MORC3: variants seen among roughly 807,000 people sequenced by gnomAD.
MORC3 encodes MORC family CW-type zinc finger 3.
MORC3 carries 31 observed loss-of-function variants against 109.1 expected under a neutral mutation model. The observed-to-expected ratio is 0.28, with a 90% CI of 0.21 to 0.38. The LOEUF is 0.38. Ranked by LOEUF, MORC3 falls within the 10% of genes least tolerant of loss-of-function variation. The probability of loss-of-function intolerance (pLI) is 1.00; values close to 1 mark genes in which losing one functional copy is unlikely to be tolerated. For missense variants in MORC3, 867 were observed against 1,135.8 expected, an observed-to-expected ratio of 0.76 and a Z score of 3.40; for synonymous variants, 395 against 380.7, an observed-to-expected ratio of 1.04 and a Z score of -0.44.
At chr21:36,355,009 A>G (rs1302063175) in intron 9 of MORC3, among the ~76,000 whole-genome samples, 1 of 152,206 alleles carries the variant, frequency 6.6e-6, no homozygotes, top group African/African-American at 2.4e-5. Context: ...CATGCACAAC[A>G]TGTGGACATA....
chr21:36,362,368 C>A, intron 13 of MORC3, 140 bp downstream of exon 13: 1 of 914,600 alleles, frequency 1.1e-6, no homozygotes, highest in Non-Finnish European at 1.6e-6. Context: ...CATGGTGAAA[C>A]CCTGTCTCTA....
Position 36,369,603 on chromosome 21 carries a change from T to G in MORC3, c.2235T>G (p.His745Gln), listed in dbSNP as rs942992119. The G allele has an allele frequency of 1.7e-5, 27 of 1,614,094 alleles. No homozygotes were observed. Among genetic ancestry groups the G allele is most frequent in the Non-Finnish European group, 2.2e-5 (26 of 1,180,050 alleles). ...NDKYVKKETC[H>Q]QSTETDAVFL... ...AGTATGTTAAGAAAGAAACTTGCCATCAGTCCACTGAAACCGATGCTGTAT... is the reference window on the plus strand; with the variant it reads ...AGTATGTTAAGAAAGAAACTTGCCAGCAGTCCACTGAAACCGATGCTGTAT... The change falls in exon 15 of 17, where the codon CAT becomes CAG. Residue 745 changes from histidine (H) to glutamine (Q), a missense_variant. By Grantham distance (24) the His-to-Gln change is conservative (BLOSUM62 0). This residue lies in a region of MORC3 where 486 missense variants were observed against 502.1 expected (regional missense o/e 0.97). Transcript: ENST00000400485.
intron 6 of MORC3, among the ~76,000 whole-genome samples, chr21:36,344,361 G>C (rs2085485094): frequency 6.6e-6 from 1 of 152,102 alleles, no homozygotes; most frequent in South Asian, 2.1e-4. Flanking sequence ...TAGATCAGTT[G>C]ATTGTATTCT....
chr21:36,326,441 G>A (rs1409794020), intron 1 of MORC3, among the ~76,000 whole-genome samples: 5 of 151,166 alleles, frequency 3.3e-5, no homozygotes, highest in Admixed American at 6.6e-5. Context: ...CAGGAGAATC[G>A]CTTGAACCTG....
At chr21:36,364,566 C>T (rs1404651128) in intron 14 of MORC3, among the ~76,000 whole-genome samples, 2 of 151,430 alleles carry the variant, frequency 1.3e-5, no homozygotes, top group Non-Finnish European at 2.9e-5. Context: ...CACCTGTAAT[C>T]CCAGCTACTC....
At chr21:36,337,663 A>G in intron 3 of MORC3, 69 bp from the exon 4 acceptor site, 1 of 1,050,762 alleles carries the variant, frequency 9.5e-7, no homozygotes, top group Admixed American at 3.3e-5. Flanking sequence ...AAAAGATTAT[A>G]GGTATTTATT....
At position 36,335,555 on chromosome 21, in the gene MORC3, A is replaced by G. The variant is rs571927679; in HGVS notation, c.113-1319A>G. Reference sequence around the variant, plus strand: ...TGTCTCGAACTCCTGACCTCAGGTGATCCACCCACCTCTGCCTCCCAAACT... The same window carrying G: ...TGTCTCGAACTCCTGACCTCAGGTGGTCCACCCACCTCTGCCTCCCAAACT... On this transcript the variant is annotated intron_variant, in intron 2 of 16. Transcript: ENST00000400485. 3.9e-5 allele frequency among the ~76,000 whole-genome samples: 6 copies of G among 152,266 alleles called. No individual in the cohort carries two copies. In the East Asian group the frequency reaches 1.2e-3, roughly 29 times the overall value.
At chr21:36,337,657 G>T (rs2085389111) in intron 3 of MORC3, 75 bp from the exon 4 acceptor site, 3 of 1,038,706 alleles carry the variant, frequency 2.9e-6, no homozygotes, top group Admixed American at 3.3e-5. Context: ...TAAAAAAAAA[G>T]ATTATAGGTA....
chr21:36,324,387 C>G (rs2085226195), intron 1 of MORC3, among the ~76,000 whole-genome samples: 1 of 151,506 alleles, frequency 6.6e-6, no homozygotes, highest in South Asian at 2.1e-4. Flanking sequence ...ACGCCATTCT[C>G]CTGCCTCAGC....
At chr21:36,365,882 A>G (rs184502804) in intron 14 of MORC3, among the ~76,000 whole-genome samples, 4 of 152,054 alleles carry the variant, frequency 2.6e-5, no homozygotes, top group Admixed American at 2.0e-4. Context: ...GCACCCGGCC[A>G]GTTTGCTCTT....
Position 36,369,309 on chromosome 21 carries a change from A to ATCCTTT in MORC3, c.1941_1942insTCCTTT (p.Leu647_Val648insSerPhe). 1 of 1,614,214 alleles carries ATCCTTT rather than the reference A, an allele frequency of 6.2e-7. No individual in the cohort carries two copies. On this transcript the variant is annotated inframe_insertion, in exon 15 of 17. Transcript: ENST00000400485. ...CTACCCAGACTGAAGTACCAAGTTT[A>ATCCTTT]GTTGTTAAAAAAGAAGAAACTGTTG...
chr21:36,344,664 G>T lies in MORC3; in HGVS notation c.842G>T (p.Ser281Ile). The T allele has an allele frequency of 6.2e-7, 1 of 1,614,116 alleles. No homozygotes were observed. ...GTGAAGACACAGCTGGTTTCGAAGA[G>T]TCTTGCCTACATCGAACGTGATGTT... ...QKVKTQLVSKSLAYIERDVYR... is the reference protein window; with the variant it reads ...QKVKTQLVSKILAYIERDVYR... Residue 281 changes from serine (S) to isoleucine (I), a missense_variant, in exon 7 of 17, where the codon AGT becomes ATT. Ser to Ile is a moderately radical substitution (Grantham distance 142, BLOSUM62 -2). This residue lies in a region of MORC3 where 120 missense variants were observed against 259.7 expected (regional missense o/e 0.46). Coordinates refer to ENST00000400485, the MANE Select transcript of MORC3 (RefSeq NM_015358.3).
rs375039041 is a variant in MORC3, at chr21:36,369,521, A to C, written c.2153A>C (p.His718Pro). 1 of 1,614,104 alleles carries C rather than the reference A, an allele frequency of 6.2e-7. No homozygotes were observed. Among genetic ancestry groups the C allele is most frequent in the Non-Finnish European group, 8.5e-7 (1 of 1,180,044 alleles). Residue 718 changes from histidine (H) to proline (P), a missense_variant, in exon 15 of 17, where the codon CAT becomes CCT. Physicochemically the swap from His to Pro is moderately conservative, Grantham distance 77. Transcript: ENST00000400485. ...AAAGAGAATTATAAAAGACAGTGTC[A>C]TATGTTTACTGATCAAATCAAAGTG... ...EEKENYKRQC[H>P]MFTDQIKVLQ...
chr21:36,334,225 A>G (rs1032018057), intron 2 of MORC3, among the ~76,000 whole-genome samples: 8 of 152,156 alleles, frequency 5.3e-5, no homozygotes, highest in Admixed American at 2.0e-4. Context: ...ATTGCATTCC[A>G]GCCTGGGCAG....
At chr21:36,352,267 C>G (rs1421540932) in intron 9 of MORC3, among the ~76,000 whole-genome samples, 2 of 152,068 alleles carry the variant, frequency 1.3e-5, no homozygotes, top group African/African-American at 4.8e-5. Context: ...TTTACACACA[C>G]ACGGCAAGCT....
In MORC3 at chr21:36,320,240, T is replaced by G; in HGVS notation, c.-25T>G. On this transcript the variant is annotated 5_prime_UTR_variant, in exon 1 of 17. Coordinates refer to ENST00000400485, the MANE Select transcript of MORC3 (RefSeq NM_015358.3). ...CCCAGTCGGGTTGCGGCGGAGGCCG[T>G]TCCTGGCTTTGTAGCTCGCTCAAGA... is the stretch of plus-strand genomic sequence containing the variant. 6.4e-7 allele frequency: 1 copy of G among 1,569,844 alleles called. No homozygotes were observed. Among genetic ancestry groups the G allele is most frequent in the Non-Finnish European group, 8.6e-7 (1 of 1,158,732 alleles).
At chr21:36,360,346 G>A (rs1291155249) in intron 12 of MORC3, 88 bp downstream of exon 12, 5 of 1,310,372 alleles carry the variant, frequency 3.8e-6, no homozygotes, top group Non-Finnish European at 5.4e-6. Context: ...CTTCTCCAAG[G>A]TAAAGCACCT....
chr21:36,332,601 T>G (rs970548505), intron 1 of MORC3, among the ~76,000 whole-genome samples: 23 of 152,194 alleles, frequency 1.5e-4, no homozygotes, highest in Non-Finnish European at 2.6e-4. Flanking sequence ...TGACCTGTGA[T>G]TGACCGAAGA....
At chr21:36,374,335 C>T (rs1406393364) in intron 16 of MORC3, among the ~76,000 whole-genome samples, 2 of 152,130 alleles carry the variant, frequency 1.3e-5, no homozygotes, top group Admixed American at 6.6e-5. Context: ...AGGCGATCTG[C>T]CCGCCTCAGC....
Sources: allele counts gnomAD v4.1 joint callset (sites outside exome capture counted in the v4.1 genomes callset), GRCh38; gene constraint gnomAD v4.1.1; regional missense constraint gnomAD v4.1.1; transcripts MANE v1.5; gene names NCBI Gene and HGNC (gene_info 2026-07-23, HGNC 2026-07-21).